The following SCN9A variants were observed in gnomAD, a reference collection of about 807,000 sequenced individuals.
SCN9A encodes the protein sodium voltage-gated channel alpha subunit 9.
A neutral mutation model predicts 187.0 loss-of-function variants in SCN9A; 131 were observed. That is an observed-to-expected ratio of 0.70 (90% CI 0.61 to 0.81). The LOEUF (loss-of-function observed/expected upper bound fraction) is 0.81. Among genes scored for constraint, SCN9A ranks in the 30% least tolerant of loss-of-function variants. The pLI is 0.00. For missense variants in SCN9A, 2,252 were observed against 2,396.6 expected (o/e 0.94, Z 1.26); for synonymous variants, 809 against 808.6 (o/e 1.00, Z -0.01).
chr2:166,375,383 A>G (rs1700663798), intron 1 of SCN9A, among the ~76,000 whole-genome samples: 1 of 152,160 alleles, frequency 6.6e-6, no homozygotes, highest in South Asian at 2.1e-4. Flanking sequence ...GAAATAAAAG[A>G]CAGTAAACCA....
chr2:166,205,955 C>T (rs1377609701), intron 24 of SCN9A, among the ~76,000 whole-genome samples: 1 of 152,072 alleles, frequency 6.6e-6, no homozygotes. Context: ...AAATCAAAAC[C>T]ACAATGAGAT....
Position 166,311,163 on chromosome 2 carries a change from G to C in SCN9A, c.258+336C>G, listed in dbSNP as rs1304662594. ...CCTAATGCTAGATGACCAGTTAGTG[G>C]GTGCAGCGCACCAGCATGGCACATG... On this transcript the variant is annotated intron_variant, in intron 2 of 26. Coordinates refer to ENST00000642356, the MANE Select transcript of SCN9A (RefSeq NM_001365536.1). 2.2e-3 allele frequency among the ~76,000 whole-genome samples: 278 copies of C among 124,234 alleles called. 1 individual carries two copies. The highest frequency in any genetic ancestry group is 4.0e-3 in the Middle Eastern group (1 of 248). 81.5% of individuals were successfully genotyped at this position (124,234 alleles called of 152,430 possible). A position where few individuals can be genotyped will look rare whatever the true frequency, so the allele number is the denominator to read the frequency against.
At chr2:166,210,420 C>G (rs1694029566) in intron 24 of SCN9A, among the ~76,000 whole-genome samples, 2 of 150,594 alleles carry the variant, frequency 1.3e-5, no homozygotes, top group Admixed American at 1.3e-4. Context: ...TGTAACTAAC[C>G]TGCACGTTGT....
intron 1 of SCN9A, among the ~76,000 whole-genome samples, chr2:166,333,093 G>A (rs1699546056): frequency 6.6e-6 from 1 of 151,516 alleles, no homozygotes; most frequent in Admixed American, 6.6e-5. Context: ...TTTTATCTTG[G>A]TCTAAACCAG....
At chr2:166,228,515 C>T (rs1044709444) in intron 22 of SCN9A, among the ~76,000 whole-genome samples, 176 bp downstream of exon 22, 4 of 151,916 alleles carry the variant, frequency 2.6e-5, no homozygotes, top group African/African-American at 9.7e-5. Flanking sequence ...CCTTGGCCTC[C>T]CAAAGTGAAG....
chr2:166,333,963 G>C (rs1327271063), intron 1 of SCN9A, among the ~76,000 whole-genome samples: 1 of 151,964 alleles, frequency 6.6e-6, no homozygotes, highest in East Asian at 1.9e-4. Context: ...ACAACTCTTT[G>C]TAAGCAATGG....
chr2:166,293,439 A>G lies in SCN9A; in HGVS notation c.966-67T>C, dbSNP rs780371515. ...GACACAAGCTAAATAGCCTTACTGA[A>G]AAGTTACAAACTCAAGGTTTCTTCT... On this transcript the variant is annotated intron_variant, in intron 8 of 26. Coordinates refer to ENST00000642356, the MANE Select transcript of SCN9A (RefSeq NM_001365536.1). The G allele has an allele frequency of 1.1e-5, 15 of 1,387,036 alleles. No homozygotes were observed. In the South Asian group the frequency reaches 2.4e-4, roughly 23 times the overall value. The allele number at this position is 1,387,036 out of a possible 1,614,324, so 85.9% of individuals were successfully genotyped here.
chr2:166,270,469 A>T (rs984516412), intron 17 of SCN9A, among the ~76,000 whole-genome samples: 8 of 152,040 alleles, frequency 5.3e-5, no homozygotes, highest in African/African-American at 1.9e-4. Context: ...ACTAGATTTG[A>T]TTCCTTACTT....
intron 12 of SCN9A, among the ~76,000 whole-genome samples, chr2:166,283,702 A>AT (rs1697596745): frequency 6.6e-6 from 1 of 152,168 alleles, no homozygotes; most frequent in South Asian, 2.1e-4. Flanking sequence ...CAGATGAAAT[A>AT]TTTTTTAAAA....
chr2:166,204,969 CTT>C (rs1447477693), intron 24 of SCN9A: 1 of 152,152 alleles, frequency 6.6e-6, no homozygotes, highest in Non-Finnish European at 1.5e-5. Flanking sequence ...TGAAGGACCT[CTT>C]CAAGGAGAAC....
intron 9 of SCN9A, among the ~76,000 whole-genome samples, chr2:166,289,552 A>G (rs998235961): frequency 7.2e-5 from 11 of 152,094 alleles, no homozygotes; most frequent in Non-Finnish European, 1.5e-4. Context: ...CATGGTGTAT[A>G]TGTGCCACAT....
chr2:166,280,299 C>T, intron 14 of SCN9A, 58 bp downstream of exon 14: 1 of 956,038 alleles, frequency 1.0e-6, no homozygotes, highest in Non-Finnish European at 1.6e-6. Context: ...TATGAAATGA[C>T]AATGATGACA....
rs375533721 is a variant in SCN9A at position 166,283,112 on chromosome 2, A to G, written c.1975-1304T>C. Among the ~76,000 whole-genome samples the G allele has an allele frequency of 9.1e-4, 138 of 152,012 alleles. 1 individual carries two copies. The South Asian group carries it at 0.013, about 15-fold the overall frequency. On this transcript the variant is annotated intron_variant, in intron 12 of 26. Transcript: ENST00000642356. Reference sequence around the variant, plus strand: ...ATTTTTCTATGGTGAAAAAACTCTTAAATGAAGAAACTTCATTAAAAATAT... The same window carrying G: ...ATTTTTCTATGGTGAAAAAACTCTTGAATGAAGAAACTTCATTAAAAATAT...
intron 1 of SCN9A, among the ~76,000 whole-genome samples, chr2:166,368,979 C>T (rs887368288): frequency 6.7e-6 from 1 of 148,988 alleles, no homozygotes; most frequent in East Asian, 1.9e-4. Context: ...AAGAGTGAAA[C>T]TCGGTCTCAA....
intron 9 of SCN9A, among the ~76,000 whole-genome samples, chr2:166,292,365 TTTTA>T (rs1698113370): frequency 6.6e-6 from 1 of 152,182 alleles, no homozygotes; most frequent in African/African-American, 2.4e-5. Context: ...ATTTTAATTT[TTTTA>T]TTTGTGTTTC....
intron 1 of SCN9A, among the ~76,000 whole-genome samples, chr2:166,324,250 G>T (rs1307719818): frequency 6.6e-6 from 1 of 151,586 alleles, no homozygotes; most frequent in Non-Finnish European, 1.5e-5. Flanking sequence ...CCGAGATCGC[G>T]CCACTGCACT....
At chr2:166,240,379 G>C (rs116152044) in intron 19 of SCN9A, among the ~76,000 whole-genome samples, 3,122 of 152,246 alleles carry the variant, frequency 0.021, 120 homozygotes, top group African/African-American at 0.072. Context: ...TTGGCAACCT[G>C]TCTAAGTACA....
intron 20 of SCN9A, among the ~76,000 whole-genome samples, chr2:166,236,584 C>G (rs1695329143): frequency 6.6e-6 from 1 of 151,980 alleles, no homozygotes; most frequent in Admixed American, 6.6e-5. Flanking sequence ...CCATGTCTGG[C>G]TAATTTTTTG....
intron 14 of SCN9A, among the ~76,000 whole-genome samples, chr2:166,279,146 G>A (rs12477229): frequency 0.11 from 16,550 of 151,744 alleles, 1,060 homozygotes; most frequent in Admixed American, 0.18. Flanking sequence ...TGCAAGATCC[G>A]GATCTCCACC....
Sources: gnomAD v4.1 joint callset for allele counts (sites outside exome capture counted in the v4.1 genomes callset) on GRCh38, gnomAD v4.1.1 for gene constraint, MANE v1.5 for transcripts, NCBI Gene and HGNC (gene_info 2026-07-23, HGNC 2026-07-21) for gene names.